Variants in SAMD5 observed in about 807,000 individuals in gnomAD.
The protein encoded by SAMD5 is sterile alpha motif domain containing 5, also known as sterile alpha motif domain-containing protein 5.
Under a neutral mutation model 11.3 loss-of-function variants are expected in SAMD5, and 13 were observed. The ratio of observed to expected loss-of-function variants is 1.15; its 90% confidence interval spans 0.75 to 1.83. The LOEUF (loss-of-function observed/expected upper bound fraction) is 1.83, where lower values mean the gene tolerates loss of function less well. Ranked by LOEUF, SAMD5 falls within the 40% of genes most tolerant of loss-of-function variation. SAMD5 has a pLI of 0.00. For missense variants in SAMD5, 255 were observed against 239.1 expected (o/e 1.07, Z -0.44); for synonymous variants, 129 against 111.3 (o/e 1.16, Z -1.00).
At chr6:147,644,262 A>C (rs1255486000) in intron 1 of SAMD5, among the ~76,000 whole-genome samples, 14 of 152,190 alleles carry the variant, frequency 9.2e-5, no homozygotes, top group Non-Finnish European at 2.9e-5. Flanking sequence ...GGAATTCTAC[A>C]CTTTTGAGGA....
At chr6:147,643,516 G>A (rs979098096) in intron 1 of SAMD5, among the ~76,000 whole-genome samples, 5 of 152,026 alleles carry the variant, frequency 3.3e-5, no homozygotes, top group Non-Finnish European at 5.9e-5. Context: ...CTTTTACCCC[G>A]TGGCAACATT....
downstream of SAMD5, among the ~76,000 whole-genome samples, chr6:147,573,194 G>A (rs1789164275): frequency 6.6e-6 from 1 of 152,236 alleles, no homozygotes; most frequent in Admixed American, 6.5e-5. Flanking sequence ...ACACCTGGCT[G>A]TGTATATTAG....
At chr6:147,660,631 T>G (rs1309089191) in intron 1 of SAMD5, 3 of 152,182 alleles carry the variant, frequency 2.0e-5, no homozygotes, top group Non-Finnish European at 2.9e-5. Context: ...ACCCTCGCTG[T>G]TCTCGCGATA....
At chr6:147,909,574 T>TCC in the SAMD5 span, among the ~76,000 whole-genome samples, 14 of 56,312 alleles carry the variant, frequency 2.5e-4, no homozygotes, top group African/African-American at 1.5e-3. Context: ...CTTTCTTTCT[T>TCC]TCTTTCTTTC....
chr6:147,831,991 T>G, the SAMD5 span, among the ~76,000 whole-genome samples: 10 of 152,314 alleles, frequency 6.6e-5, no homozygotes, highest in South Asian at 2.1e-3. Context: ...GTTATTTTTT[T>G]TTTGTTTTAG....
the SAMD5 span, among the ~76,000 whole-genome samples, chr6:147,911,333 A>T: frequency 6.6e-6 from 1 of 152,022 alleles, no homozygotes; most frequent in Non-Finnish European, 1.5e-5. Context: ...CAGGATTCCC[A>T]GGTTAACTCA....
At chr6:147,533,610 G>C (rs968373739) in intron 1 of SAMD5, among the ~76,000 whole-genome samples, 25 of 152,174 alleles carry the variant, frequency 1.6e-4, no homozygotes, top group African/African-American at 5.5e-4. Flanking sequence ...CGAATGAGGA[G>C]CCCTGTATTA....
chr6:147,686,406 C>T (rs1335416509), intron 1 of SAMD5, among the ~76,000 whole-genome samples: 1 of 152,004 alleles, frequency 6.6e-6, no homozygotes, highest in Admixed American at 6.6e-5. Context: ...TATTGTCATG[C>T]CTTTTATATT....
At chr6:147,773,538 G>T in the SAMD5 span, among the ~76,000 whole-genome samples, 1 of 152,284 alleles carries the variant, frequency 6.6e-6, no homozygotes, top group African/African-American at 2.4e-5. Context: ...CAAGGTGCTG[G>T]CAGATCCGGT....
chr6:147,620,966 G>A (rs1305119496), intron 1 of SAMD5, among the ~76,000 whole-genome samples: 2 of 92,134 alleles, frequency 2.2e-5, no homozygotes, highest in African/African-American at 5.9e-5. Context: ...GTGCCTCTGT[G>A]TGTGTGTGTG....
At chr6:147,832,179 G>T in the SAMD5 span, among the ~76,000 whole-genome samples, 1 of 152,098 alleles carries the variant, frequency 6.6e-6, no homozygotes, top group Non-Finnish European at 1.5e-5. Flanking sequence ...AAAAAATTAG[G>T]TATAGAGAGT....
chr6:147,625,687 C>A (rs905937110), intron 1 of SAMD5, among the ~76,000 whole-genome samples: 2 of 152,268 alleles, frequency 1.3e-5, no homozygotes, highest in African/African-American at 4.8e-5. Flanking sequence ...ACAAACTAAG[C>A]CCTTTTAGAG....
the SAMD5 span, among the ~76,000 whole-genome samples, chr6:147,869,013 A>G: frequency 6.6e-6 from 1 of 152,254 alleles, no homozygotes; most frequent in African/African-American, 2.4e-5. Flanking sequence ...ATTAGATCAC[A>G]GAAAACAGAT....
At chr6:147,717,096 G>A (rs886868997) in intron 1 of SAMD5, among the ~76,000 whole-genome samples, 4 of 152,134 alleles carry the variant, frequency 2.6e-5, no homozygotes, top group Non-Finnish European at 5.9e-5. Context: ...TCATCTGAAG[G>A]TTTTGCATGA....
the SAMD5 span, among the ~76,000 whole-genome samples, chr6:147,839,731 CAA>C: frequency 1.3e-5 from 2 of 152,144 alleles, no homozygotes; most frequent in African/African-American, 4.8e-5. Flanking sequence ...GCCTGGGCAA[CAA>C]GAGCAAAACT....
the SAMD5 span, among the ~76,000 whole-genome samples, chr6:147,844,949 A>G: frequency 2.0e-5 from 3 of 152,098 alleles, no homozygotes. Flanking sequence ...ACTTAATAAT[A>G]ATGTGTTGTA....
intron 1 of SAMD5, among the ~76,000 whole-genome samples, chr6:147,673,699 A>G (rs951339758): frequency 4.6e-5 from 7 of 152,182 alleles, no homozygotes; most frequent in African/African-American, 1.4e-4. Context: ...AAATCCATGA[A>G]AAATATAATT....
At chr6:147,647,761 C>A (rs980703281) in intron 1 of SAMD5, among the ~76,000 whole-genome samples, 1 of 152,166 alleles carries the variant, frequency 6.6e-6, no homozygotes, top group African/African-American at 2.4e-5. Context: ...TATCAGCACC[C>A]TTCAGAATTC....
chr6:147,530,714 G>C (rs1437863332), intron 1 of SAMD5, among the ~76,000 whole-genome samples: 2 of 152,340 alleles, frequency 1.3e-5, no homozygotes, highest in East Asian at 3.9e-4. Flanking sequence ...GAAAAGAAGA[G>C]AGCAAAGGTG....
Sources: gnomAD v4.1 joint callset for allele counts (sites outside exome capture counted in the v4.1 genomes callset) on GRCh38, gnomAD v4.1.1 for gene constraint, MANE v1.5 for transcripts, NCBI Gene and HGNC (gene_info 2026-07-23, HGNC 2026-07-21) for gene names.